PTPRD: variants seen among roughly 807,000 people sequenced by gnomAD.
PTPRD encodes the protein protein tyrosine phosphatase receptor type D, also known as receptor-type tyrosine-protein phosphatase delta.
PTPRD carries 34 observed loss-of-function variants against 214.5 expected under a neutral mutation model. That is an observed-to-expected ratio of 0.16 (90% confidence interval 0.12 to 0.21). The LOEUF is 0.21. Among genes scored for constraint, PTPRD ranks in the 10% least tolerant of loss-of-function variants. The probability of loss-of-function intolerance (pLI) is 1.00; values close to 1 mark genes in which losing one functional copy is unlikely to be tolerated. For missense variants in PTPRD, 2,545 were observed against 2,398.7 expected (o/e 1.06, Z -1.27); for synonymous variants, 1,128 against 845.7 (o/e 1.33, Z -5.79).
intron 11 of PTPRD, among the ~76,000 whole-genome samples, chr9:8,823,984 A>T (rs945681203): frequency 2.0e-5 from 3 of 152,136 alleles, no homozygotes; most frequent in African/African-American, 7.2e-5. Context: ...TGTATAGGGT[A>T]ACTTCCTGAT....
At chr9:8,830,265 T>C (rs2097261684) in intron 11 of PTPRD, among the ~76,000 whole-genome samples, 1 of 152,178 alleles carries the variant, frequency 6.6e-6, no homozygotes, top group East Asian at 1.9e-4. Context: ...GTCCAAACTC[T>C]TAAGTGTTTT....
chr9:9,328,906 G>C (rs1424404702), intron 9 of PTPRD, among the ~76,000 whole-genome samples: 1 of 151,874 alleles, frequency 6.6e-6, no homozygotes, highest in African/African-American at 2.4e-5. Context: ...CCAAAGTAAA[G>C]GGATTACAGG....
At chr9:8,501,996 G>C (rs1034127214) in intron 23 of PTPRD, among the ~76,000 whole-genome samples, 3 of 151,962 alleles carry the variant, frequency 2.0e-5, no homozygotes, top group Non-Finnish European at 4.4e-5. Flanking sequence ...AACTGGAAAA[G>C]ATATAATTTC....
chr9:9,619,383 G>A (rs558979710), intron 7 of PTPRD, among the ~76,000 whole-genome samples: 2 of 151,596 alleles, frequency 1.3e-5, no homozygotes, highest in Non-Finnish European at 2.9e-5. Flanking sequence ...ATCACAGAAG[G>A]TGGCTAAACT....
intron 10 of PTPRD, among the ~76,000 whole-genome samples, chr9:9,083,403 A>G (rs931853470): frequency 1.3e-5 from 2 of 152,068 alleles, no homozygotes; most frequent in South Asian, 2.1e-4. Flanking sequence ...AAAATTAACT[A>G]AAGATGGATT....
intron 9 of PTPRD, among the ~76,000 whole-genome samples, chr9:9,213,539 T>TGTTC (rs1554992711): frequency 6.6e-6 from 1 of 152,126 alleles, no homozygotes; most frequent in Admixed American, 6.6e-5. Flanking sequence ...TTTGTTTGTT[T>TGTTC]TGATAATAGG....
chr9:8,521,478 T>C lies in PTPRD; in HGVS notation c.760A>G (p.Asn254Asp). Residue 254 changes from asparagine (N) to aspartate (D), a missense_variant, in exon 20 of 46, where the codon AAT becomes GAT. By Grantham distance (23) the Asn-to-Asp change is conservative (BLOSUM62 1). Transcript: ENST00000381196. Reference protein sequence around the residue: ...NHEIMPGGSVNITCVAVGSPM... With the variant: ...NHEIMPGGSVDITCVAVGSPM... The stretch of plus-strand genomic sequence containing the variant: ...GACCCCACGGCCACACAGGTGATAT[T>C]AACGCTTCCGCCTGGCATGATTTCA... 1 of 1,613,990 alleles carries C rather than the reference T, an allele frequency of 6.2e-7. No homozygotes were observed. The highest frequency in any genetic ancestry group is 8.5e-7 in the Non-Finnish European group (1 of 1,179,912).
chr9:9,027,631 G>C (rs900639412), intron 10 of PTPRD, among the ~76,000 whole-genome samples: 3 of 151,790 alleles, frequency 2.0e-5, no homozygotes, highest in Non-Finnish European at 4.4e-5. Context: ...TCTATCAAGA[G>C]GTCTTAATAA....
intron 11 of PTPRD, among the ~76,000 whole-genome samples, chr9:8,765,371 G>T (rs563311132): frequency 6.6e-6 from 1 of 152,230 alleles, no homozygotes; most frequent in South Asian, 2.1e-4. Flanking sequence ...TCCCTCTTGG[G>T]TGCAATCTCC....
At chr9:9,902,489 G>C (rs1157871192) in intron 5 of PTPRD, among the ~76,000 whole-genome samples, 1 of 152,056 alleles carries the variant, frequency 6.6e-6, no homozygotes, top group Non-Finnish European at 1.5e-5. Context: ...AGTCATGTAT[G>C]TTGATTACAT....
intron 10 of PTPRD, among the ~76,000 whole-genome samples, chr9:9,169,400 A>T (rs560279284): frequency 2.0e-5 from 3 of 152,148 alleles, no homozygotes; most frequent in Admixed American, 6.6e-5. Flanking sequence ...GACGGTAAGT[A>T]TTTGGAAAGA....
intron 3 of PTPRD, among the ~76,000 whole-genome samples, chr9:10,257,476 A>C (rs946138978): frequency 4.6e-5 from 7 of 152,218 alleles, no homozygotes; most frequent in African/African-American, 1.4e-4. Flanking sequence ...CAGGAGGTAA[A>C]CAGTATGCAT....
At chr9:8,398,934 T>A (rs1437757252) in intron 36 of PTPRD, among the ~76,000 whole-genome samples, 2 of 152,102 alleles carry the variant, frequency 1.3e-5, no homozygotes, top group African/African-American at 2.4e-5. Flanking sequence ...CTAAGCTTTT[T>A]AAAAAAAATC....
intron 8 of PTPRD, among the ~76,000 whole-genome samples, chr9:9,557,260 A>G (rs945615195): frequency 2.0e-5 from 3 of 152,188 alleles, no homozygotes; most frequent in Non-Finnish European, 4.4e-5. Context: ...ACCTAAATGT[A>G]GCCTCCTACC....
At chr9:9,789,273 G>A (rs1363536459) in intron 5 of PTPRD, among the ~76,000 whole-genome samples, 1 of 152,114 alleles carries the variant, frequency 6.6e-6, no homozygotes, top group African/African-American at 2.4e-5. Context: ...ATCATCAAGC[G>A]GAATGCCTTG....
intron 8 of PTPRD, among the ~76,000 whole-genome samples, chr9:9,448,716 A>C (rs2091258085): frequency 6.6e-6 from 1 of 152,092 alleles, no homozygotes; most frequent in Non-Finnish European, 1.5e-5. Context: ...TATTTAATGG[A>C]GTCCTTTAAG....
intron 8 of PTPRD, among the ~76,000 whole-genome samples, chr9:9,506,754 C>T (rs997641926): frequency 6.6e-6 from 1 of 151,322 alleles, no homozygotes; most frequent in African/African-American, 2.4e-5. Flanking sequence ...ATGCAAGTTA[C>T]AAGGCTCTGA....
At chr9:10,594,180 C>T (rs1294340815) in intron 2 of PTPRD, among the ~76,000 whole-genome samples, 3 of 151,954 alleles carry the variant, frequency 2.0e-5, no homozygotes, top group Non-Finnish European at 4.4e-5. Flanking sequence ...ATCTACTTTA[C>T]TATAATTACA....
intron 3 of PTPRD, among the ~76,000 whole-genome samples, chr9:10,071,868 A>G (rs2154180089): frequency 1.3e-5 from 2 of 152,130 alleles, no homozygotes; most frequent in Middle Eastern, 3.4e-3. Flanking sequence ...ACAAGCTGAT[A>G]TATGTTGATA....
Sources: allele counts gnomAD v4.1 joint callset (sites outside exome capture counted in the v4.1 genomes callset), GRCh38; gene constraint gnomAD v4.1.1; transcripts MANE v1.5; gene names NCBI Gene and HGNC (gene_info 2026-07-23, HGNC 2026-07-21).